The following PAPOLA variants were observed in gnomAD, a reference collection of about 807,000 sequenced individuals.
PAPOLA encodes the protein poly(A) polymerase alpha.
In PAPOLA, 15 loss-of-function variants were observed where a neutral mutation model predicts 100.6. The ratio of observed to expected loss-of-function variants is 0.15; its 90% CI spans 0.10 to 0.23. The LOEUF (loss-of-function observed/expected upper bound fraction) is 0.23, where lower values mean the gene tolerates loss of function less well. Ranked by LOEUF, PAPOLA falls within the 10% of genes least tolerant of loss-of-function variation. The pLI is 1.00. For missense variants in PAPOLA, 533 were observed against 884.2 expected, an observed-to-expected ratio of 0.60 and a Z score of 5.04; for synonymous variants, 293 against 300.0, an observed-to-expected ratio of 0.98 and a Z score of 0.24.
intron 16 of PAPOLA, among the ~76,000 whole-genome samples, chr14:96,551,318 A>C (rs1900830068): frequency 6.6e-6 from 1 of 152,220 alleles, no homozygotes; most frequent in African/African-American, 2.4e-5. Flanking sequence ...ATAAATCCTC[A>C]TATCTAGTGG....
chr14:96,556,461 C>T, intron 19 of PAPOLA, 48 bp downstream of exon 19: 2 of 1,196,258 alleles, frequency 1.7e-6, no homozygotes, highest in Non-Finnish European at 2.4e-6. Context: ...CACCAACTGC[C>T]TATTTTTAAA....
intron 20 of PAPOLA, 143 bp downstream of exon 20, chr14:96,560,854 A>C (rs532869972): frequency 1.7e-6 from 1 of 571,938 alleles, no homozygotes; most frequent in Admixed American, 3.3e-5. Context: ...TGTAATGCTG[A>C]ACACTGAAGG....
intron 21 of PAPOLA, among the ~76,000 whole-genome samples, chr14:96,563,540 T>C (rs1902037527): frequency 6.6e-6 from 1 of 152,160 alleles, no homozygotes; most frequent in African/African-American, 2.4e-5. Context: ...AGTAGATATA[T>C]TCTTTAATAG....
rs369609109 is a variant in PAPOLA at position 96,520,258 on chromosome 14, C to T, written c.182+30C>T. On this transcript the variant is annotated intron_variant, in intron 2 of 21. Transcript: ENST00000216277. Reference sequence around the variant, plus strand: ...ATAGATATTCTATATTTTTTTAACTCGGAAACTTTTATTAATGTTGACATA... The same window carrying T: ...ATAGATATTCTATATTTTTTTAACTTGGAAACTTTTATTAATGTTGACATA... 116 of 1,551,544 alleles carry T rather than the reference C, an allele frequency of 7.5e-5. 1 individual carries two copies. Among genetic ancestry groups the T allele is most frequent in the Middle Eastern group, 3.5e-4 (2 of 5,780 alleles).
intron 1 of PAPOLA, 53 bp from the exon 2 acceptor site, chr14:96,520,002 G>T: frequency 7.0e-7 from 1 of 1,431,338 alleles, no homozygotes; most frequent in South Asian, 1.3e-5. Context: ...TTACTGATTT[G>T]TTTCAAATTG....
At chr14:96,502,660 G>T in intron 1 of PAPOLA, 60 bp downstream of exon 1, 1 of 1,546,738 alleles carries the variant, frequency 6.5e-7, no homozygotes, top group Non-Finnish European at 8.7e-7. Flanking sequence ...GGGCGTCCGG[G>T]AAGGGGAAGA....
chr14:96,532,568 T>C lies in PAPOLA; in HGVS notation c.755T>C (p.Leu252Pro). ...GFLGGVSWAM[L>P]VARTCQLYPN... The stretch of plus-strand genomic sequence containing the variant: ...CTCGGTGGTGTTTCCTGGGCTATGC[T>C]AGTAGCAAGAACTTGCCAGCTTTAT... The change falls in exon 9 of 22, where the codon CTA becomes CCA. Residue 252 changes from leucine (L) to proline (P), a missense_variant. Transcript: ENST00000216277. The C allele has an allele frequency of 6.2e-7, 1 of 1,613,390 alleles. No individual in the cohort carries two copies. Among genetic ancestry groups the C allele is most frequent in the Non-Finnish European group, 8.5e-7 (1 of 1,179,746 alleles).
At chr14:96,522,437 G>A (rs2140261158) in intron 3 of PAPOLA, among the ~76,000 whole-genome samples, 1 of 151,262 alleles carries the variant, frequency 6.6e-6, no homozygotes, top group South Asian at 2.1e-4. Flanking sequence ...TTTTGAGACA[G>A]GGTCTCCCTC....
chr14:96,565,818 G>T lies in PAPOLA; in HGVS notation c.*768G>T, dbSNP rs540627509. On this transcript the variant is annotated 3_prime_UTR_variant, in exon 22 of 22. Transcript: ENST00000216277. ...TGTGTTCTTTTGCCTTCAATCTGTT[G>T]TCTTCAAAACAAACAAACAAAAAAA... 28 of 397,948 alleles carry T rather than the reference G, an allele frequency of 7.0e-5. No individual in the cohort carries two copies. Among genetic ancestry groups the T allele is most frequent in the African/African-American group, 5.1e-4 (25 of 48,686 alleles). The allele number at this position is 397,948 out of a possible 1,614,324, so 24.7% of individuals were successfully genotyped here.
At chr14:96,559,704 T>C (rs868051314) in intron 19 of PAPOLA, among the ~76,000 whole-genome samples, 1 of 151,466 alleles carries the variant, frequency 6.6e-6, no homozygotes, top group African/African-American at 2.4e-5. Context: ...TGAACTGTCA[T>C]GTTTGCATCA....
At chr14:96,552,917 T>G in intron 17 of PAPOLA, 1 of 305,484 alleles carries the variant, frequency 3.3e-6, no homozygotes, top group East Asian at 7.0e-5. Context: ...CAGTGCACTG[T>G]ATGGTGTGCT....
intron 17 of PAPOLA, among the ~76,000 whole-genome samples, chr14:96,555,221 T>A (rs569505721): frequency 3.3e-5 from 5 of 151,024 alleles, no homozygotes; most frequent in South Asian, 2.1e-4. Context: ...TAACTTTTTT[T>A]TTTTTTAATA....
At chr14:96,518,914 G>A (rs758921819) in intron 1 of PAPOLA, among the ~76,000 whole-genome samples, 3 of 151,800 alleles carry the variant, frequency 2.0e-5, no homozygotes, top group Non-Finnish European at 4.4e-5. Context: ...AAAATTAGCC[G>A]GGTGTGGTGG....
At chr14:96,548,049 T>G in intron 16 of PAPOLA, 131 bp downstream of exon 16, 1 of 759,014 alleles carries the variant, frequency 1.3e-6, no homozygotes, top group Non-Finnish European at 2.1e-6. Context: ...AAAATCTGTT[T>G]CATGGAGCAG....
chr14:96,533,984 G>A, intron 9 of PAPOLA: 4 of 985,884 alleles, frequency 4.1e-6, no homozygotes, highest in Non-Finnish European at 4.8e-6. Context: ...CTAGTTTATG[G>A]AACACATATG....
intron 12 of PAPOLA, among the ~76,000 whole-genome samples, chr14:96,538,776 A>G (rs890607238): frequency 1.3e-5 from 2 of 152,062 alleles, no homozygotes; most frequent in Non-Finnish European, 2.9e-5. Context: ...TTGAATTTTT[A>G]AAGACATCCT....
chr14:96,520,256 C>T, intron 2 of PAPOLA, 28 bp downstream of exon 2: 2 of 1,558,820 alleles, frequency 1.3e-6, no homozygotes, highest in Non-Finnish European at 1.7e-6. Flanking sequence ...ATTTTTTTAA[C>T]TCGGAAACTT....
chr14:96,542,977 T>TA, intron 14 of PAPOLA, 84 bp downstream of exon 14: 1 of 1,404,766 alleles, frequency 7.1e-7, no homozygotes. Flanking sequence ...TTATAACTAG[T>TA]ATAACTATTC....
chr14:96,555,712 G>T, intron 17 of PAPOLA, 135 bp from the exon 18 acceptor site: 1 of 465,330 alleles, frequency 2.1e-6, no homozygotes. Context: ...TTGCTAAATT[G>T]TATGTATAGG....
Sources: gnomAD v4.1 joint callset for allele counts (sites outside exome capture counted in the v4.1 genomes callset) on GRCh38, gnomAD v4.1.1 for gene constraint, MANE v1.5 for transcripts, NCBI Gene and HGNC (gene_info 2026-07-23, HGNC 2026-07-21) for gene names.